The following NAV2 variants were observed in gnomAD, a reference collection of about 807,000 sequenced individuals.
NAV2 encodes neuron navigator 2.
A neutral mutation model predicts 223.2 loss-of-function variants in NAV2; 54 were observed. The observed-to-expected ratio is 0.24, with a 90% confidence interval of 0.19 to 0.30. The LOEUF is 0.30. Ranked by LOEUF, NAV2 falls within the 10% of genes least tolerant of loss-of-function variation. The pLI is 1.00. For missense variants in NAV2, 2,806 were observed against 3,147.5 expected (o/e 0.89, Z 2.60); for synonymous variants, 1,279 against 1,239.3 (o/e 1.03, Z -0.67).
intron 1 of NAV2, among the ~76,000 whole-genome samples, chr11:19,676,077 C>G (rs1384551200): frequency 6.6e-6 from 1 of 152,174 alleles, no homozygotes; most frequent in Non-Finnish European, 1.5e-5. Context: ...ACCCTGAGAG[C>G]CTTGTTCTGG....
At chr11:19,832,162 C>T (rs1040741241) in intron 1 of NAV2, among the ~76,000 whole-genome samples, 1 of 152,112 alleles carries the variant, frequency 6.6e-6, no homozygotes, top group Non-Finnish European at 1.5e-5. Context: ...AGAGTCGCAG[C>T]CTCTCAAAGC....
chr11:19,802,703 C>A, intron 1 of NAV2, among the ~76,000 whole-genome samples: 1 of 123,012 alleles, frequency 8.1e-6, no homozygotes. Context: ...GAGTGAGACC[C>A]TGTCTCTCAA....
chr11:19,892,617 C>A (rs1565507234), intron 6 of NAV2, 23 bp downstream of exon 6: 7 of 1,610,200 alleles, frequency 4.3e-6, no homozygotes, highest in Non-Finnish European at 5.9e-6. Context: ...CTTGAGGAGC[C>A]TTTTTGGTAT....
At chr11:20,084,739 T>A (rs2060310122) in intron 26 of NAV2, among the ~76,000 whole-genome samples, 1 of 152,174 alleles carries the variant, frequency 6.6e-6, no homozygotes, top group African/African-American at 2.4e-5. Flanking sequence ...CCTGTGACTC[T>A]CACACATGCC....
chr11:19,951,704 G>A (rs1377150282), intron 10 of NAV2, among the ~76,000 whole-genome samples: 1 of 152,204 alleles, frequency 6.6e-6, no homozygotes, highest in Non-Finnish European at 1.5e-5. Context: ...CTGAATCTTA[G>A]TGATAGCCGA....
chr11:20,121,350 T>C lies in NAV2; in HGVS notation c.*3092T>C, dbSNP rs1412043559. 6.6e-6 allele frequency: 1 copy of C among 152,650 alleles called. No homozygotes were observed. Among genetic ancestry groups the C allele is most frequent in the East Asian group, 1.9e-4 (1 of 5,202 alleles). 9.5% of individuals were successfully genotyped at this position (152,650 alleles called of 1,614,324 possible). A position where few individuals can be genotyped will look rare whatever the true frequency, so the allele number is the denominator to read the frequency against. On this transcript the variant is annotated 3_prime_UTR_variant, in exon 38 of 38. Coordinates refer to ENST00000349880, the MANE Select transcript of NAV2 (RefSeq NM_145117.5). ...TTAAAGTGCTGCATTTTGATGAATTTTTTCTAGCCATTTTTAAAGAGAAAA... is the reference window on the plus strand; with the variant it reads ...TTAAAGTGCTGCATTTTGATGAATTCTTTCTAGCCATTTTTAAAGAGAAAA...
Position 19,933,070 on chromosome 11 carries a change from G to T in NAV2, c.932-106G>T, listed in dbSNP as rs1192217494. The T allele has an allele frequency of 2.3e-6, 3 of 1,331,980 alleles. No individual in the cohort carries two copies. Among genetic ancestry groups the T allele is most frequent in the Non-Finnish European group, 2.0e-6 (2 of 1,003,558 alleles). The allele number at this position is 1,331,980 out of a possible 1,614,324, so 82.5% of individuals were successfully genotyped here. On this transcript the variant is annotated intron_variant, in intron 6 of 37. Transcript: ENST00000349880. The surrounding 1 kb of genome is among the most constrained non-coding windows in gnomAD (Gnocchi z 4.3). ...ACAAAGTGGGCAATGGAGCTATACG[G>T]CATTTGGGTTGGGAGTGATTGGTTG...
chr11:19,842,497 G>T lies in NAV2; in HGVS notation c.386-374G>T, dbSNP rs77408321. On this transcript the variant is annotated intron_variant, in intron 2 of 37. Coordinates refer to ENST00000349880, the MANE Select transcript of NAV2 (RefSeq NM_145117.5). ...CTGGGAGCTGAGTTGTAGCTGGACTGATCCACTCTGAACTATTCCGTCTTT... is the reference window on the plus strand; with the variant it reads ...CTGGGAGCTGAGTTGTAGCTGGACTTATCCACTCTGAACTATTCCGTCTTT... 1.3e-3 allele frequency among the ~76,000 whole-genome samples: 194 copies of T among 152,294 alleles called. 1 individual carries two copies. Among genetic ancestry groups the T allele is most frequent in the Middle Eastern group, 6.8e-3 (2 of 294 alleles).
Position 19,945,088 on chromosome 11 carries a change from TTCTTC to T in NAV2, c.2147-1301_2147-1297del, listed in dbSNP as rs1231341977. On this transcript the variant is annotated intron_variant, in intron 8 of 37. Transcript: ENST00000349880. ...CTTTCCTTTCCTTTTCTTTTCTCTTTTCTTCTCTTCTCTTCTTTCTTTTTTTCTCT... is the reference window on the plus strand; with the variant it reads ...CTTTCCTTTCCTTTTCTTTTCTCTTTTCTTCTCTTCTTTCTTTTTTTCTCT... 3.1e-4 allele frequency among the ~76,000 whole-genome samples: 42 copies of T among 133,458 alleles called. 1 individual carries two copies. The South Asian group carries it at 5.0e-3, about 16-fold the overall frequency. The allele number at this position is 133,458 out of a possible 152,430, so 87.6% of individuals were successfully genotyped here. A position where few individuals can be genotyped will look rare whatever the true frequency, so the allele number is the denominator to read the frequency against.
At chr11:19,780,133 A>G (rs10833168) in intron 1 of NAV2, among the ~76,000 whole-genome samples, 30,578 of 152,206 alleles carry the variant, frequency 0.2, 3,786 homozygotes, top group East Asian at 0.55. Flanking sequence ...TTGCATCTTT[A>G]TATGTTATCT....
rs1375265869 is a variant in NAV2, at chr11:20,055,955, A to C, written c.4829A>C (p.Glu1610Ala). Reference protein sequence around the residue: ...RSGSFRDGFEEVHGSSLSLVS... With the variant: ...RSGSFRDGFEAVHGSSLSLVS... ...GGCTCATTCCGGGATGGGTTTGAAGAAGGTAAGGAAGGAAAGGAAGAAGGT... is the reference window on the plus strand; with the variant it reads ...GGCTCATTCCGGGATGGGTTTGAAGCAGGTAAGGAAGGAAAGGAAGAAGGT... Residue 1610 changes from glutamate to alanine, a missense_variant and splice_region_variant, in exon 19 of 38, where the codon GAA (glutamate) becomes GCA (alanine). Glu to Ala is a moderately radical substitution (Grantham distance 107, BLOSUM62 -1). This residue lies in a region of NAV2 where 824 missense variants were observed against 1,069.4 expected (regional missense o/e 0.77). Transcript: ENST00000349880. 2 of 1,612,540 alleles carry C rather than the reference A, an allele frequency of 1.2e-6. No individual in the cohort carries two copies. Among genetic ancestry groups the C allele is most frequent in the African/African-American group, 2.7e-5 (2 of 74,904 alleles).
chr11:20,029,547 T>C (rs1439061353), intron 11 of NAV2, among the ~76,000 whole-genome samples: 1 of 152,214 alleles, frequency 6.6e-6, no homozygotes, highest in Non-Finnish European at 1.5e-5. Context: ...TTTTCATTTG[T>C]GTCTAAGCTA....
chr11:19,562,917 G>A (rs2045149818), intron 1 of NAV2, among the ~76,000 whole-genome samples: 1 of 152,170 alleles, frequency 6.6e-6, no homozygotes, highest in Admixed American at 6.5e-5. Flanking sequence ...AATCTCATGA[G>A]TTTTCTCTGG....
At chr11:19,720,975 T>G (rs2050705221) in intron 1 of NAV2, among the ~76,000 whole-genome samples, 1 of 152,360 alleles carries the variant, frequency 6.6e-6, no homozygotes, top group African/African-American at 2.4e-5. Flanking sequence ...AGGTAATTAT[T>G]GTGAACAAGG....
At chr11:19,595,280 T>C (rs1182938914) in intron 1 of NAV2, among the ~76,000 whole-genome samples, 1 of 152,146 alleles carries the variant, frequency 6.6e-6, no homozygotes, top group Non-Finnish European at 1.5e-5. Flanking sequence ...GGGAGCATCC[T>C]CAGGAGAAAG....
intron 1 of NAV2, among the ~76,000 whole-genome samples, chr11:19,630,922 CAA>C (rs10642100): frequency 2.0e-5 from 2 of 100,154 alleles, no homozygotes; most frequent in Non-Finnish European, 3.7e-5. Flanking sequence ...GGTCCTGTTG[CAA>C]AAAAAAAAAA....
At chr11:19,656,245 G>A (rs1174240181) in intron 1 of NAV2, among the ~76,000 whole-genome samples, 1 of 152,180 alleles carries the variant, frequency 6.6e-6, no homozygotes, top group Non-Finnish European at 1.5e-5. Flanking sequence ...GCTGCAGGAG[G>A]CGCTCTGGGG....
chr11:19,819,793 G>A (rs1203208028), intron 1 of NAV2, among the ~76,000 whole-genome samples: 5 of 152,212 alleles, frequency 3.3e-5, no homozygotes, highest in Non-Finnish European at 5.9e-5. Flanking sequence ...TTACAAATGT[G>A]GAAACTGAGG....
chr11:20,072,450 G>GTT (rs140690605), intron 22 of NAV2, among the ~76,000 whole-genome samples: 1 of 151,842 alleles, frequency 6.6e-6, no homozygotes, highest in Non-Finnish European at 1.5e-5. Context: ...ATTTAAAGTA[G>GTT]TTTTTTTACA....
Sources: allele counts gnomAD v4.1 joint callset (sites outside exome capture counted in the v4.1 genomes callset), GRCh38; gene constraint gnomAD v4.1.1; regional missense constraint gnomAD v4.1.1; non-coding constraint Gnocchi (gnomAD v3.1); transcripts MANE v1.5; gene names NCBI Gene and HGNC (gene_info 2026-07-23, HGNC 2026-07-21).